CCDC171: variants seen among roughly 807,000 people sequenced by gnomAD.
CCDC171 encodes the protein coiled-coil domain-containing protein 171.
A neutral mutation model predicts 168.2 loss-of-function variants in CCDC171; 177 were observed. The ratio of observed to expected loss-of-function variants is 1.05; its 90% confidence interval spans 0.93 to 1.19. The LOEUF is 1.19. CCDC171 is among the 50% of genes most tolerant of loss of function. CCDC171 has a pLI of 0.00. For missense variants in CCDC171, 1,991 were observed against 1,539.0 expected (o/e 1.29, Z -4.91); for synonymous variants, 687 against 540.8 (o/e 1.27, Z -3.75).
At chr9:15,686,219 G>T (rs1016093120) in intron 10 of CCDC171, among the ~76,000 whole-genome samples, 7 of 152,082 alleles carry the variant, frequency 4.6e-5, no homozygotes, top group African/African-American at 1.4e-4. Flanking sequence ...TATTAATGGG[G>T]ACTTCAGTCA....
At chr9:15,586,554 T>A (rs1251421669) in intron 4 of CCDC171, among the ~76,000 whole-genome samples, 7 of 152,148 alleles carry the variant, frequency 4.6e-5, no homozygotes, top group African/African-American at 1.7e-4. Flanking sequence ...ACCATTGGAA[T>A]TATGTATGGG....
intron 24 of CCDC171, among the ~76,000 whole-genome samples, chr9:15,896,438 CTT>C (rs1364326266): frequency 2.6e-5 from 4 of 152,142 alleles, no homozygotes; most frequent in African/African-American, 9.6e-5. Flanking sequence ...CCAGTAAAAA[CTT>C]TGAGTGATGG....
chr9:15,565,086 CTTTT>C (rs34584445), intron 2 of CCDC171, among the ~76,000 whole-genome samples: 1 of 119,862 alleles, frequency 8.3e-6, no homozygotes, highest in Admixed American at 9.1e-5. Context: ...CCACCCCCCA[CTTTT>C]TTTTTTTTTT....
intron 23 of CCDC171, among the ~76,000 whole-genome samples, chr9:15,862,144 C>G (rs1197918413): frequency 1.3e-5 from 2 of 149,572 alleles, no homozygotes; most frequent in African/African-American, 4.9e-5. Context: ...GAGTCATTTT[C>G]TTCTTGCTTC....
intron 25 of CCDC171, among the ~76,000 whole-genome samples, chr9:15,962,486 C>T (rs1256670766): frequency 6.6e-6 from 1 of 152,168 alleles, no homozygotes; most frequent in Non-Finnish European, 1.5e-5. Flanking sequence ...TCAATTTATA[C>T]AGTTACTAGC....
chr9:15,559,995 T>C lies in CCDC171; in HGVS notation c.-111-3983T>C, dbSNP rs371417153. Among the ~76,000 whole-genome samples, 4 of 152,282 alleles carry C rather than the reference T, an allele frequency of 2.6e-5. No individual in the cohort carries two copies. The East Asian group carries it at 5.8e-4, about 22-fold the overall frequency. On this transcript the variant is annotated intron_variant, in intron 1 of 25. Coordinates refer to ENST00000380701, the MANE Select transcript of CCDC171 (RefSeq NM_173550.4). The stretch of plus-strand genomic sequence containing the variant: ...TTATTTCTCCTTCACTTATGAAGCT[T>C]AGTTTGGCTGGATATGAAATTCTGG...
chr9:15,597,910 T>C (rs986282093), intron 6 of CCDC171, among the ~76,000 whole-genome samples: 4 of 152,206 alleles, frequency 2.6e-5, no homozygotes, highest in Non-Finnish European at 5.9e-5. Flanking sequence ...CCATTTCTTC[T>C]AGATTTTCTA....
intron 24 of CCDC171, among the ~76,000 whole-genome samples, chr9:15,912,199 T>C (rs552814184): frequency 1.6e-4 from 24 of 152,366 alleles, no homozygotes; most frequent in South Asian, 4.1e-4. Context: ...TGTTTTTCCA[T>C]CTGTTTGTGT....
chr9:15,559,514 G>T (rs1300680855), intron 1 of CCDC171, among the ~76,000 whole-genome samples: 2 of 152,010 alleles, frequency 1.3e-5, no homozygotes, highest in African/African-American at 4.8e-5. Context: ...TTTGATCTTT[G>T]TTAGTTTAAA....
At chr9:15,946,841 A>G (rs192348241) in intron 25 of CCDC171, among the ~76,000 whole-genome samples, 18 of 152,114 alleles carry the variant, frequency 1.2e-4, no homozygotes, top group Admixed American at 1.2e-3. Context: ...ACCTCTGCCT[A>G]AGTAAATGTT....
intron 25 of CCDC171, among the ~76,000 whole-genome samples, chr9:15,942,471 G>A (rs1827841878): frequency 6.6e-6 from 1 of 151,910 alleles, no homozygotes; most frequent in Admixed American, 6.6e-5. Flanking sequence ...GGAAAGGAGA[G>A]AAATTGCTGT....
At position 16,002,757 on chromosome 9, in the gene CCDC171, T is replaced by C. The variant is rs189106932; in HGVS notation, n.369-17832T>C. ...GCACCCTCCAGTCCTGCAAGCTCCATTCATGGTAAGTGCCCTCTGTAGTTG... is the reference window on the plus strand; with the variant it reads ...GCACCCTCCAGTCCTGCAAGCTCCACTCATGGTAAGTGCCCTCTGTAGTTG... On this transcript the variant is annotated intron_variant and non_coding_transcript_variant, in intron 3 of 9. Transcript: ENST00000486641. 2.0e-5 allele frequency among the ~76,000 whole-genome samples: 3 copies of C among 152,358 alleles called. No homozygotes were observed. The East Asian group carries it at 5.8e-4, about 29-fold the overall frequency.
intron 1 of CCDC171, among the ~76,000 whole-genome samples, chr9:16,054,484 T>A (rs1833802138): frequency 6.6e-6 from 1 of 152,030 alleles, no homozygotes; most frequent in Admixed American, 6.5e-5. Flanking sequence ...GCGAGTCCCA[T>A]AAGCACCTTT....
intron 25 of CCDC171, among the ~76,000 whole-genome samples, chr9:15,969,265 A>T (rs1400424181): frequency 6.6e-6 from 1 of 152,156 alleles, no homozygotes; most frequent in East Asian, 1.9e-4. Context: ...CAAAAGAGGG[A>T]CCTCTTTGTA....
At chr9:16,045,489 A>G (rs1833646698) in intron 1 of CCDC171, among the ~76,000 whole-genome samples, 1 of 152,132 alleles carries the variant, frequency 6.6e-6, no homozygotes, top group Admixed American at 6.5e-5. Flanking sequence ...GCTTATTGTC[A>G]TGGGTTGTAA....
At chr9:16,105,058 T>C in the CCDC171 span, among the ~76,000 whole-genome samples, 4,551 of 152,308 alleles carry the variant, frequency 0.03, 101 homozygotes, top group South Asian at 0.063. Flanking sequence ...TCCTCATCCC[T>C]ACCAAATTCC....
chr9:15,608,965 A>AAAT (rs2043438263), intron 6 of CCDC171, among the ~76,000 whole-genome samples: 1 of 148,956 alleles, frequency 6.7e-6, no homozygotes. Context: ...AAAAAAAAAA[A>AAAT]AAAAAAAGAG....
chr9:15,634,163 C>T (rs1482779198), intron 7 of CCDC171, among the ~76,000 whole-genome samples: 1 of 151,640 alleles, frequency 6.6e-6, no homozygotes, highest in Non-Finnish European at 1.5e-5. Flanking sequence ...TACCCTAAAA[C>T]TTAAAGTATA....
At chr9:15,598,826 G>A (rs1378699535) in intron 6 of CCDC171, among the ~76,000 whole-genome samples, 1 of 152,028 alleles carries the variant, frequency 6.6e-6, no homozygotes, top group Non-Finnish European at 1.5e-5. Flanking sequence ...TATGAATCTG[G>A]GTGCTCCTGT....
Sources: gnomAD v4.1 joint callset for allele counts (sites outside exome capture counted in the v4.1 genomes callset) on GRCh38, gnomAD v4.1.1 for gene constraint, MANE v1.5 for transcripts, NCBI Gene and HGNC (gene_info 2026-07-23, HGNC 2026-07-21) for gene names.